PRDM1: variants seen among roughly 807,000 people sequenced by gnomAD.
PRDM1 encodes the protein PR domain zinc finger protein 1.
In PRDM1, 13 loss-of-function variants were observed where a neutral mutation model predicts 62.8. That is an observed-to-expected ratio of 0.21 (90% CI 0.13 to 0.33). The LOEUF (loss-of-function observed/expected upper bound fraction) is 0.33. Ranked by LOEUF, PRDM1 falls within the 10% of genes least tolerant of loss-of-function variation. PRDM1 has a pLI of 1.00. For missense variants in PRDM1, 895 were observed against 1,058.8 expected (o/e 0.85, Z 2.15); for synonymous variants, 396 against 417.6 (o/e 0.95, Z 0.63).
chr6:106,058,325 C>T (rs966610201), intron 1 of PRDM1, among the ~76,000 whole-genome samples: 23 of 152,130 alleles, frequency 1.5e-4, no homozygotes, highest in Non-Finnish European at 1.3e-4. Flanking sequence ...CATGTGGATA[C>T]AATCAGAGTG....
Position 106,107,320 on chromosome 6 carries a change from G to A in PRDM1, c.2312G>A (p.Gly771Asp), listed in dbSNP as rs80257572. The change falls in exon 7 of 7, where the codon GGC (glycine) becomes GAC (aspartate). Residue 771 changes from glycine (G) to aspartate (D), a missense_variant. Gly to Asp is a moderately conservative substitution (Grantham distance 94, BLOSUM62 -1). Coordinates refer to ENST00000369096, the MANE Select transcript of PRDM1 (RefSeq NM_001198.4). ...AVVRKEKEET[G>D]LKVSLQRNMG... ...GTCAGAAAAGAGAAAGAAGAAACTG[G>A]CCTGAAAGTGTCTTTGCAAAGAAAC... 1.9e-3 allele frequency: 3,078 copies of A among 1,614,068 alleles called. 30 individuals carry two copies. The African/African-American group carries it at 0.027, about 14-fold the overall frequency.
intron 4 of PRDM1, among the ~76,000 whole-genome samples, chr6:106,103,996 G>A (rs1298702591): frequency 6.6e-6 from 1 of 152,210 alleles, no homozygotes; most frequent in Non-Finnish European, 1.5e-5. Flanking sequence ...GGCATAGGCA[G>A]TTTGAACAGG....
rs549378968 is a variant in PRDM1, at chr6:106,042,171, T to C, written c.-66-46030T>C. Among the ~76,000 whole-genome samples, 8 of 151,978 alleles carry C rather than the reference T, an allele frequency of 5.3e-5. No individual in the cohort carries two copies. In the East Asian group the frequency reaches 1.5e-3, roughly 29 times the overall value. The stretch of plus-strand genomic sequence containing the variant: ...TGATAATATTTAATCACCAGATATT[T>C]CTAATTCACATAACTGTTCTCTTAT... On this transcript the variant is annotated intron_variant, in intron 1 of 6. Transcript: ENST00000652320.
At chr6:105,996,055 C>T (rs1772345732) in intron 1 of PRDM1, among the ~76,000 whole-genome samples, 1 of 152,144 alleles carries the variant, frequency 6.6e-6, no homozygotes, top group Non-Finnish European at 1.5e-5. Flanking sequence ...AGAAATTCTA[C>T]TTTAAAAATA....
Position 106,090,455 on chromosome 6 carries a change from A to G in PRDM1, c.291+2006A>G, listed in dbSNP as rs141509075. The stretch of plus-strand genomic sequence containing the variant: ...TAAACCCTAATCATAAAGTCAAGCA[A>G]GGAGTAAACTTGAATGTAATACTGT... On this transcript the variant is annotated intron_variant, in intron 2 of 6. Coordinates refer to ENST00000369096, the MANE Select transcript of PRDM1 (RefSeq NM_001198.4). Among the ~76,000 whole-genome samples, 564 of 152,352 alleles carry G rather than the reference A, an allele frequency of 3.7e-3. 1 individual carries two copies. The highest frequency in any genetic ancestry group is 0.013 in the African/African-American group (520 of 41,584).
chr6:106,028,434 C>T (rs891263880), intron 1 of PRDM1, among the ~76,000 whole-genome samples: 1 of 152,092 alleles, frequency 6.6e-6, no homozygotes, highest in African/African-American at 2.4e-5. Context: ...TAATAGTGAA[C>T]AGTTGAAAGC....
chr6:105,998,355 C>T (rs1772375283), intron 1 of PRDM1, among the ~76,000 whole-genome samples: 2 of 152,112 alleles, frequency 1.3e-5, no homozygotes, highest in South Asian at 4.1e-4. Context: ...AGTTCAAAGC[C>T]AGCCTGGACA....
Position 106,107,076 on chromosome 6 carries a change from T to C in PRDM1, c.2068T>C (p.Ser690Pro). The change falls in exon 7 of 7, where the codon TCC becomes CCC. Residue 690 changes from serine to proline, a missense_variant. Around this residue, in one of 4 missense-constraint regions of PRDM1, gnomAD observed 164 missense variants for 179.9 expected, o/e 0.91. Coordinates refer to ENST00000369096, the MANE Select transcript of PRDM1 (RefSeq NM_001198.4). ...CACCCGGGAGCGGCCCCACAAGTGC[T>C]CCCAGTGCCACAAGAACTACATCCA... ...LHTRERPHKC[S>P]QCHKNYIHLC... is the part of the protein sequence containing the mutation. 1.2e-6 allele frequency: 2 copies of C among 1,614,170 alleles called. No individual in the cohort carries two copies. Among genetic ancestry groups the C allele is most frequent in the African/African-American group, 2.7e-5 (2 of 75,026 alleles).
In PRDM1 at chr6:106,104,869, G is replaced by A; in HGVS notation, c.709G>A (p.Glu237Lys). ...AAAGCAACCGAGCACTGAGAAAAAT[G>A]AACTCTGCCCAAAGAATGTCCCAAA... ...SLKQPSTEKN[E>K]LCPKNVPKRE... Residue 237 changes from glutamate (E) to lysine (K), a missense_variant, in exon 5 of 7, where the codon GAA becomes AAA. This residue lies in a region of PRDM1 where 444 missense variants were observed against 422.7 expected (regional missense o/e 1.05). Coordinates refer to ENST00000369096, the MANE Select transcript of PRDM1 (RefSeq NM_001198.4). 2.5e-6 allele frequency: 4 copies of A among 1,613,998 alleles called. No homozygotes were observed. The South Asian group carries it at 4.4e-5, about 18-fold the overall frequency.
intron 4 of PRDM1, 102 bp downstream of exon 4, chr6:106,099,654 TTGGA>T: frequency 6.8e-7 from 1 of 1,474,470 alleles, no homozygotes; most frequent in South Asian, 1.3e-5. Flanking sequence ...TTGTCATGTG[TTGGA>T]TGAAGTAGGT....
rs769047021 is a variant in PRDM1, at chr6:106,088,254, G to A, written c.96G>A (p.Gly32=). Residue 32 remains glycine, a synonymous_variant, in exon 2 of 7, where the codon GGG becomes GGA. Transcript: ENST00000369096. The part of the protein sequence containing the change: ...STVRFQGLAE[G]TKGTMKMDME... ...TGAGGTTTCAGGGATTGGCAGAGGG[G>A]ACCAAGGGGACCATGAAAATGGACA... 1.2e-5 allele frequency: 20 copies of A among 1,614,096 alleles called. No individual in the cohort carries two copies. The highest frequency in any genetic ancestry group is 2.2e-5 in the East Asian group (1 of 44,886).
chr6:106,088,488 G>A (rs368467174), intron 2 of PRDM1, 39 bp downstream of exon 2: 2 of 1,612,368 alleles, frequency 1.2e-6, no homozygotes, highest in Non-Finnish European at 1.7e-6. Context: ...TTGGGGACCT[G>A]GTGCCAAATC....
intron 1 of PRDM1, among the ~76,000 whole-genome samples, chr6:106,011,631 T>C (rs1772549935): frequency 1.3e-5 from 2 of 151,990 alleles, no homozygotes; most frequent in Non-Finnish European, 2.9e-5. Context: ...CCCCGCCCCC[T>C]GCAAAGCTGC....
chr6:106,019,168 A>G (rs1056607707), intron 1 of PRDM1, among the ~76,000 whole-genome samples: 7 of 144,658 alleles, frequency 4.8e-5, no homozygotes, highest in African/African-American at 1.8e-4. Flanking sequence ...CAGGAAGCTG[A>G]GGCACAAGAA....
chr6:106,084,318 C>T (rs554674241), upstream of PRDM1, among the ~76,000 whole-genome samples: 11 of 152,296 alleles, frequency 7.2e-5, no homozygotes, highest in African/African-American at 2.4e-4. Flanking sequence ...CTAAGCCCCA[C>T]ACTGGTATTT....
At chr6:106,019,253 C>CAAA (rs55704256) in intron 1 of PRDM1, among the ~76,000 whole-genome samples, 3 of 69,654 alleles carry the variant, frequency 4.3e-5, no homozygotes, top group Non-Finnish European at 7.5e-5. Context: ...GACTCCATCT[C>CAAA]AAAAAAAAAA....
intron 1 of PRDM1, among the ~76,000 whole-genome samples, chr6:106,059,011 C>T (rs576867022): frequency 8.0e-4 from 122 of 152,282 alleles, no homozygotes; most frequent in Non-Finnish European, 1.3e-3. Flanking sequence ...TTCTTTTCAT[C>T]CTACAAATAT....
intron 2 of PRDM1, among the ~76,000 whole-genome samples, chr6:106,093,630 G>C (rs1291378669): frequency 6.6e-6 from 1 of 152,020 alleles, no homozygotes; most frequent in Admixed American, 6.6e-5. Context: ...ATAATAATAT[G>C]TCCAAAACAA....
At chr6:106,016,807 C>T (rs1772627323) in intron 1 of PRDM1, among the ~76,000 whole-genome samples, 1 of 151,990 alleles carries the variant, frequency 6.6e-6, no homozygotes, top group African/African-American at 2.4e-5. Flanking sequence ...GCCACCATGC[C>T]CATGCCCAGC....
Sources: allele counts gnomAD v4.1 joint callset (sites outside exome capture counted in the v4.1 genomes callset), GRCh38; gene constraint gnomAD v4.1.1; regional missense constraint gnomAD v4.1.1; transcripts MANE v1.5; gene names NCBI Gene and HGNC (gene_info 2026-07-23, HGNC 2026-07-21).